Variants in CD2AP observed in about 807,000 individuals in gnomAD.
The protein encoded by CD2AP is CD2-associated protein.
CD2AP carries 46 observed loss-of-function variants against 85.1 expected under a neutral mutation model. The ratio of observed to expected loss-of-function variants is 0.54; its 90% CI spans 0.43 to 0.69. CD2AP has a LOEUF of 0.69. Among genes scored for constraint, CD2AP ranks in the 30% least tolerant of loss-of-function variants. The pLI, the probability that CD2AP is intolerant of heterozygous loss-of-function variation, is 0.00. For synonymous variants in CD2AP, 255 were observed against 252.9 expected, an observed-to-expected ratio of 1.01 and a Z score of -0.08; for missense variants, 769 against 729.5, an observed-to-expected ratio of 1.05 and a Z score of -0.62.
intron 4 of CD2AP, among the ~76,000 whole-genome samples, chr6:47,550,134 C>G (rs898936181): frequency 6.6e-6 from 1 of 152,152 alleles, no homozygotes; most frequent in Non-Finnish European, 1.5e-5. Context: ...AAAAACCCTT[C>G]TAGACATTGA....
chr6:47,615,140 G>A (rs1769543980), intron 17 of CD2AP, among the ~76,000 whole-genome samples: 1 of 152,138 alleles, frequency 6.6e-6, no homozygotes, highest in Non-Finnish European at 1.5e-5. Flanking sequence ...TAGAACAAGA[G>A]AGAATTGGGG....
rs377585666 is a variant in CD2AP, at chr6:47,618,087, G to A, written c.1878+5551G>A. Among the ~76,000 whole-genome samples, 242 of 152,308 alleles carry A rather than the reference G, an allele frequency of 1.6e-3. 1 individual carries two copies. The highest frequency in any genetic ancestry group is 5.6e-3 in the African/African-American group (232 of 41,560). ...TAATCCCAGCACTTTGGAAGGTCAA[G>A]GTGGGTGGATCACCTGAGGTCAGGA... On this transcript the variant is annotated intron_variant, in intron 17 of 17. Coordinates refer to ENST00000359314, the MANE Select transcript of CD2AP (RefSeq NM_012120.3).
intron 5 of CD2AP, among the ~76,000 whole-genome samples, chr6:47,563,669 T>C (rs1267711972): frequency 6.6e-6 from 1 of 152,182 alleles, no homozygotes; most frequent in African/African-American, 2.4e-5. Flanking sequence ...CATTAGCCTT[T>C]CAAAGGAGTT....
Position 47,540,004 on chromosome 6 carries a change from C to G in CD2AP, c.320-4602C>G, listed in dbSNP as rs948605501. Among the ~76,000 whole-genome samples, 4 of 127,416 alleles carry G rather than the reference C, an allele frequency of 3.1e-5. No homozygotes were observed. The South Asian group carries it at 1.1e-3, about 36-fold the overall frequency. 83.6% of individuals were successfully genotyped at this position (127,416 alleles called of 152,430 possible). A position where few individuals can be genotyped will look rare whatever the true frequency, so the allele number is the denominator to read the frequency against. On this transcript the variant is annotated intron_variant, in intron 3 of 17. Coordinates refer to ENST00000359314, the MANE Select transcript of CD2AP (RefSeq NM_012120.3). ...GACCAGCCTGAGCAACATGGCAAAC[C>G]CCATCTCTACAAAAAAAAAAATACA... is the stretch of plus-strand genomic sequence containing the variant.
At chr6:47,502,051 G>T (rs1402426757) in intron 1 of CD2AP, among the ~76,000 whole-genome samples, 3 of 152,124 alleles carry the variant, frequency 2.0e-5, no homozygotes, top group Non-Finnish European at 4.4e-5. Context: ...CACATTTGGG[G>T]CTCTACTGGG....
rs555330831 is a variant in CD2AP, at chr6:47,626,599, A to G, written c.*2372A>G. ...ATTTCAGTGTTATTTTTTGTTTGTGACCACTAAGCTTCTGTCTTAATACAA... is the reference window on the plus strand; with the variant it reads ...ATTTCAGTGTTATTTTTTGTTTGTGGCCACTAAGCTTCTGTCTTAATACAA... On this transcript the variant is annotated 3_prime_UTR_variant, in exon 18 of 18. Transcript: ENST00000359314. 4 of 152,500 alleles carry G rather than the reference A, an allele frequency of 2.6e-5. No homozygotes were observed. In the South Asian group the frequency reaches 6.2e-4, roughly 24 times the overall value. 9.4% of individuals were successfully genotyped at this position (152,500 alleles called of 1,614,324 possible). A position where few individuals can be genotyped will look rare whatever the true frequency, so the allele number is the denominator to read the frequency against.
At chr6:47,589,043 A>T (rs557854112) in intron 11 of CD2AP, among the ~76,000 whole-genome samples, 2 of 152,070 alleles carry the variant, frequency 1.3e-5, no homozygotes, top group East Asian at 3.9e-4. Context: ...AAGGAATGCA[A>T]TTTAGGTTCT....
intron 2 of CD2AP, among the ~76,000 whole-genome samples, chr6:47,519,835 C>A (rs1236206992): frequency 2.0e-5 from 3 of 152,024 alleles, no homozygotes; most frequent in Non-Finnish European, 4.4e-5. Flanking sequence ...AAAGGCAGAA[C>A]TTTTCAAATT....
At chr6:47,515,437 A>G (rs969093816) in intron 2 of CD2AP, among the ~76,000 whole-genome samples, 6 of 152,210 alleles carry the variant, frequency 3.9e-5, no homozygotes, top group African/African-American at 1.4e-4. Flanking sequence ...ATCTGTATGA[A>G]TACTTTGCAT....
chr6:47,544,300 G>T (rs1767309838), intron 3 of CD2AP, among the ~76,000 whole-genome samples: 1 of 152,174 alleles, frequency 6.6e-6, no homozygotes, highest in Non-Finnish European at 1.5e-5. Context: ...TGTTGTGCCA[G>T]AAGTGTCTTT....
intron 2 of CD2AP, among the ~76,000 whole-genome samples, chr6:47,533,141 T>TCTATG (rs1766933595): frequency 1.3e-5 from 2 of 152,210 alleles, no homozygotes; most frequent in Non-Finnish European, 2.9e-5. Context: ...ATAAATAAAG[T>TCTATG]TTTATTGGAA....
chr6:47,599,515 T>G (rs1582609674), intron 13 of CD2AP, 72 bp downstream of exon 13: 1 of 1,348,614 alleles, frequency 7.4e-7, no homozygotes, highest in Non-Finnish European at 1.0e-6. Context: ...AGAGATATAT[T>G]TATGCAATTT....
chr6:47,535,216 A>G (rs1767001729), intron 3 of CD2AP, among the ~76,000 whole-genome samples: 1 of 152,200 alleles, frequency 6.6e-6, no homozygotes, highest in Non-Finnish European at 1.5e-5. Flanking sequence ...GGTCATTGCC[A>G]AGGTCTGATT....
chr6:47,479,350 T>C (rs974748877), intron 1 of CD2AP, among the ~76,000 whole-genome samples: 3 of 152,248 alleles, frequency 2.0e-5, no homozygotes, highest in Non-Finnish European at 4.4e-5. Flanking sequence ...ACTGCTGATG[T>C]GGCACCCTCT....
rs751286070 is a variant in CD2AP, at chr6:47,574,105, G to C, written c.583G>C (p.Gly195Arg). Reference sequence around the variant, plus strand: ...GCCTACTTCACCTATACCTTCTCTGGGAAATGTGAGTGAAACTGCATCTGG... The same window carrying C: ...GCCTACTTCACCTATACCTTCTCTGCGAAATGTGAGTGAAACTGCATCTGG... ...AGPTSPIPSL[G>R]NVSETASGSV... The change falls in exon 6 of 18, where the codon GGA (glycine) becomes CGA (arginine). Residue 195 changes from glycine to arginine, a missense_variant. Gly to Arg is a moderately radical substitution (Grantham distance 125, BLOSUM62 -2). Transcript: ENST00000359314. The C allele has an allele frequency of 9.9e-6, 16 of 1,613,952 alleles. No homozygotes were observed. Among genetic ancestry groups the C allele is most frequent in the Non-Finnish European group, 1.4e-5 (16 of 1,179,940 alleles).
At chr6:47,574,441 A>G (rs577983507) in intron 6 of CD2AP, among the ~76,000 whole-genome samples, 190 bp downstream of exon 6, 1 of 152,126 alleles carries the variant, frequency 6.6e-6, no homozygotes, top group East Asian at 1.9e-4. Context: ...GTTTGAATCT[A>G]ATAAAATTAG....
At chr6:47,507,324 A>T (rs570059222) in intron 2 of CD2AP, among the ~76,000 whole-genome samples, 1 of 152,094 alleles carries the variant, frequency 6.6e-6, no homozygotes, top group South Asian at 2.1e-4. Flanking sequence ...ATTAATGTTG[A>T]TATTTTTAGC....
At chr6:47,620,572 CA>C (rs370479237) in intron 17 of CD2AP, among the ~76,000 whole-genome samples, 261 of 152,048 alleles carry the variant, frequency 1.7e-3, no homozygotes, top group African/African-American at 6.1e-3. Context: ...TTGTTTTTTC[CA>C]ATTCTGTGAA....
chr6:47,513,561 T>C (rs766588935), intron 2 of CD2AP, among the ~76,000 whole-genome samples: 1 of 152,118 alleles, frequency 6.6e-6, no homozygotes, highest in Non-Finnish European at 1.5e-5. Flanking sequence ...TCTCCCAGAA[T>C]GCATGGTGTT....
Sources: gnomAD v4.1 joint callset for allele counts (sites outside exome capture counted in the v4.1 genomes callset) on GRCh38, gnomAD v4.1.1 for gene constraint, MANE v1.5 for transcripts, NCBI Gene and HGNC (gene_info 2026-07-23, HGNC 2026-07-21) for gene names.